The following ADGRG2 variants were observed in gnomAD, a reference collection of about 807,000 sequenced individuals.
ADGRG2 encodes G protein-coupled receptor 64.
ADGRG2 carries 26 observed loss-of-function variants against 74.1 expected under a neutral mutation model. The ratio of observed to expected loss-of-function variants is 0.35; its 90% CI spans 0.26 to 0.49. The LOEUF (loss-of-function observed/expected upper bound fraction) is 0.49, where lower values mean the gene tolerates loss of function less well. Ranked by LOEUF, ADGRG2 falls within the 20% of genes least tolerant of loss-of-function variation. The probability of loss-of-function intolerance (pLI) is 0.99; values close to 1 mark genes in which losing one functional copy is unlikely to be tolerated. For missense variants in ADGRG2, 619 were observed against 763.1 expected, an observed-to-expected ratio of 0.81 and a Z score of 2.22; for synonymous variants, 296 against 295.2, an observed-to-expected ratio of 1.00 and a Z score of -0.03.
At chrX:19,013,602 G>GA in intron 16 of ADGRG2, 84 bp downstream of exon 16, 2 of 832,682 alleles carry the variant, frequency 2.4e-6, no homozygotes, top group Non-Finnish European at 3.4e-6. Context: ...GAAATCAAGC[G>GA]AACATCATAC....
At chrX:19,034,504 A>T (rs183094960) in intron 7 of ADGRG2, 1 of 111,982 alleles carries the variant, frequency 8.9e-6, no homozygotes, top group Non-Finnish European at 1.9e-5. Context: ...AAGAATGATG[A>T]TGTTATCCTG....
chrX:19,019,067 G>T (rs376851665), intron 15 of ADGRG2, among the ~76,000 whole-genome samples: 5 of 111,518 alleles, frequency 4.5e-5, no homozygotes, highest in African/African-American at 1.6e-4. Flanking sequence ...GGATGGTCTC[G>T]ATCTCCTGAC....
intron 1 of ADGRG2, among the ~76,000 whole-genome samples, chrX:19,115,926 C>T (rs1038277294): frequency 9.1e-6 from 1 of 110,086 alleles, no homozygotes; most frequent in Non-Finnish European, 1.9e-5. Context: ...AAAAAAAGTG[C>T]AGGCCGGGTG....
rs750823068 is a variant in ADGRG2 at position 19,008,050 on chromosome X, A to G, written c.1496T>C (p.Leu499Ser). ...ITLPSSLMNN[L>S]PAHDMELASR... is the part of the protein sequence containing the mutation. ...AGCTAGCTCCATGTCATGAGCTGGT[A>G]AATTATTCATCAGCGATGAAGGAAG... The change falls in exon 19 of 29, where the codon TTA (leucine) becomes TCA (serine). Residue 499 changes from leucine (L) to serine (S), a missense_variant. By Grantham distance (145) the Leu-to-Ser change is moderately radical (BLOSUM62 -2). This residue lies in a region of ADGRG2 where 221 missense variants were observed against 340.6 expected (regional missense o/e 0.65). Coordinates refer to ENST00000379869, the MANE Select transcript of ADGRG2 (RefSeq NM_001079858.3). 8.4e-7 allele frequency: 1 copy of G among 1,196,523 alleles called. No homozygotes were observed. The highest frequency in any genetic ancestry group is 1.1e-6 in the Non-Finnish European group (1 of 881,839).
At chrX:19,028,112 C>T (rs2060744298) in intron 10 of ADGRG2, 71 bp downstream of exon 10, 3 of 593,140 alleles carry the variant, frequency 5.1e-6, no homozygotes. Flanking sequence ...TAATCTGAAC[C>T]TCAAACAAAT....
chrX:19,024,061 T>C, intron 11 of ADGRG2, 113 bp from the exon 12 acceptor site: 1 of 526,029 alleles, frequency 1.9e-6, no homozygotes, highest in South Asian at 2.9e-5. Context: ...GCTTATGGTG[T>C]TCACTTTGAA....
At chrX:19,006,401 A>G (rs2060233273) in intron 20 of ADGRG2, 136 bp from the exon 21 acceptor site, 1 of 489,513 alleles carries the variant, frequency 2.0e-6, no homozygotes. Context: ...ATTTTTAGAG[A>G]GTTCTTATTT....
chrX:18,996,837 A>G (rs1271655894), intron 26 of ADGRG2, among the ~76,000 whole-genome samples: 2 of 111,686 alleles, frequency 1.8e-5, no homozygotes, highest in Admixed American at 9.5e-5. Context: ...GCTTTTGCCA[A>G]TAAATATTTG....
rs1396254809 is a variant in ADGRG2, at chrX:18,994,936, C to T, written c.2829G>A (p.Leu943=). 2.5e-6 allele frequency: 3 copies of T among 1,203,371 alleles called. No individual in the cohort carries two copies. In the South Asian group the frequency reaches 5.3e-5, roughly 21 times the overall value. The change falls in exon 28 of 29, where the codon CTG becomes CTA. Residue 943 remains leucine, a synonymous_variant. Coordinates refer to ENST00000379869, the MANE Select transcript of ADGRG2 (RefSeq NM_001079858.3). ...SSSNSTNSTT[L]LVNNDCSVHA... is the part of the protein sequence containing the mutation. The stretch of plus-strand genomic sequence containing the variant: ...GTACTGAGCAATCATTATTCACTAG[C>T]AGTGTGGTGGAGTTAGTGGAGTTAC...
chrX:19,035,988 A>G lies in ADGRG2; in HGVS notation c.227-11T>C. 1 of 900,322 alleles carries G rather than the reference A, an allele frequency of 1.1e-6. No homozygotes were observed. Among genetic ancestry groups the G allele is most frequent in the Admixed American group, 2.5e-5 (1 of 39,856 alleles). 74.2% of individuals were successfully genotyped at this position (900,322 alleles called of 1,213,427 possible). A position where few individuals can be genotyped will look rare whatever the true frequency, so the allele number is the denominator to read the frequency against. On this transcript the variant is annotated splice_polypyrimidine_tract_variant and intron_variant, in intron 6 of 28. Transcript: ENST00000379869. ...AGCTTAAAGTAACATCTGAAATAAA[A>G]TAATAAAAATTAGCATAACTACTGG...
intron 2 of ADGRG2, among the ~76,000 whole-genome samples, chrX:19,081,816 T>C (rs2061850136): frequency 9.0e-6 from 1 of 110,768 alleles, no homozygotes; most frequent in Non-Finnish European, 1.9e-5. Flanking sequence ...GGCTCAGGCC[T>C]GTAATCCCAG....
At chrX:19,084,610 C>A (rs1481236427) in intron 1 of ADGRG2, among the ~76,000 whole-genome samples, 2 of 112,180 alleles carry the variant, frequency 1.8e-5, no homozygotes, top group African/African-American at 6.5e-5. Context: ...AGAAAGAAAT[C>A]TATTGTGACT....
chrX:18,998,879 G>A (rs1028076622), intron 26 of ADGRG2, 117 bp downstream of exon 26: 4 of 558,980 alleles, frequency 7.2e-6, no homozygotes, highest in Non-Finnish European at 1.2e-5. Context: ...TTGCTTTATT[G>A]TAGTGGTCTA....
At chrX:18,996,294 T>A in intron 26 of ADGRG2, 142 bp from the exon 27 acceptor site, 1 of 392,042 alleles carries the variant, frequency 2.6e-6, no homozygotes, top group Non-Finnish European at 4.5e-6. Context: ...AAGTTCAGAG[T>A]CCTAGGAAAG....
chrX:19,062,845 T>C (rs759004366), intron 3 of ADGRG2, among the ~76,000 whole-genome samples: 1 of 110,492 alleles, frequency 9.1e-6, no homozygotes, highest in Admixed American at 9.7e-5. Flanking sequence ...AAGTTGGGGA[T>C]TGTAGCTCAT....
intron 3 of ADGRG2, among the ~76,000 whole-genome samples, chrX:19,045,714 G>A (rs755157313): frequency 5.4e-5 from 6 of 110,585 alleles, no homozygotes; most frequent in South Asian, 3.9e-4. Flanking sequence ...ATACCCGGGT[G>A]TAAAATTAGA....
chrX:19,121,905 C>G (rs1162835398), intron 1 of ADGRG2, among the ~76,000 whole-genome samples: 2 of 111,953 alleles, frequency 1.8e-5, no homozygotes, highest in East Asian at 5.7e-4. Flanking sequence ...GGCGTGCTCA[C>G]CCCCTGGCTC....
At chrX:19,108,393 T>C (rs1442429113) in intron 1 of ADGRG2, among the ~76,000 whole-genome samples, 1 of 111,880 alleles carries the variant, frequency 8.9e-6, no homozygotes, top group African/African-American at 3.2e-5. Context: ...CCATAAAAAC[T>C]ATTAATAATC....
Position 19,002,946 on chromosome X carries a change from T to C in ADGRG2, c.2130A>G (p.Thr710=), listed in dbSNP as rs1318844103. Residue 710 remains threonine, a synonymous_variant, in exon 24 of 29, where the codon ACA becomes ACG. Coordinates refer to ENST00000379869, the MANE Select transcript of ADGRG2 (RefSeq NM_001079858.3). ...TATGGAATGCTTCTAGGCCCATCCA[T>C]GTGAATGAGACCAAGAGAAAATAAT... ...FLHYFLLVSF[T]WMGLEAFHMY... 2.5e-6 allele frequency: 3 copies of C among 1,204,918 alleles called. No homozygotes were observed. Among genetic ancestry groups the C allele is most frequent in the African/African-American group, 1.8e-5 (1 of 56,952 alleles).
Sources: allele counts gnomAD v4.1 joint callset (sites outside exome capture counted in the v4.1 genomes callset), GRCh38; gene constraint gnomAD v4.1.1; regional missense constraint gnomAD v4.1.1; transcripts MANE v1.5; gene names NCBI Gene and HGNC (gene_info 2026-07-23, HGNC 2026-07-21).